Variants in ERP44 observed in about 807,000 individuals in gnomAD.
ERP44 encodes the protein endoplasmic reticulum protein 44, also known as endoplasmic reticulum resident protein 44.
Under a neutral mutation model 53.4 loss-of-function variants are expected in ERP44, and 25 were observed. That is an observed-to-expected ratio of 0.47 (90% CI 0.34 to 0.65). The LOEUF (loss-of-function observed/expected upper bound fraction) is 0.65, where lower values mean the gene tolerates loss of function less well. ERP44 is among the 30% of genes least tolerant of loss of function. The probability of loss-of-function intolerance (pLI) is 0.01; values close to 1 mark genes in which losing one functional copy is unlikely to be tolerated. For synonymous variants in ERP44, 145 were observed against 161.2 expected (o/e 0.90, Z 0.76); for missense variants, 338 against 493.2 (o/e 0.69, Z 2.98).
chr9:100,033,911 A>G (rs531622618), intron 4 of ERP44, among the ~76,000 whole-genome samples: 65 of 152,334 alleles, frequency 4.3e-4, no homozygotes, highest in African/African-American at 1.4e-3. Flanking sequence ...CCCCTATTCA[A>G]GCTCAAGTTA....
chr9:100,067,345 C>G (rs562136607), intron 1 of ERP44, among the ~76,000 whole-genome samples: 1 of 150,782 alleles, frequency 6.6e-6, no homozygotes, highest in Non-Finnish European at 1.5e-5. Context: ...CGCGCGCCGC[C>G]GCGCCTGACT....
At chr9:100,016,511 A>G (rs1392994750) in intron 7 of ERP44, 73 bp from the exon 8 acceptor site, 2 of 1,452,112 alleles carry the variant, frequency 1.4e-6, no homozygotes, top group South Asian at 1.5e-5. Context: ...TTTTTTCTTT[A>G]TATTTTTTAA....
chr9:100,039,757 CA>C (rs1315216331), intron 4 of ERP44, among the ~76,000 whole-genome samples: 7 of 151,586 alleles, frequency 4.6e-5, no homozygotes, highest in African/African-American at 7.3e-5. Context: ...GTAAGTTTTA[CA>C]AAATTGACAA....
At chr9:99,985,790 T>C (rs998537283) in intron 10 of ERP44, among the ~76,000 whole-genome samples, 1 of 152,248 alleles carries the variant, frequency 6.6e-6, no homozygotes, top group Admixed American at 6.5e-5. Flanking sequence ...CTTAATATTG[T>C]GAAAAGCAAA....
intron 1 of ERP44, among the ~76,000 whole-genome samples, chr9:100,079,946 A>AC (rs561085083): frequency 6.6e-6 from 1 of 150,804 alleles, no homozygotes; most frequent in South Asian, 2.1e-4. Context: ...AAAAAAACAA[A>AC]AAAAAAAAAA....
intron 4 of ERP44, among the ~76,000 whole-genome samples, chr9:100,048,119 G>A (rs375793255): frequency 5.9e-5 from 9 of 151,964 alleles, no homozygotes; most frequent in African/African-American, 1.2e-4. Flanking sequence ...CACACACACC[G>A]TAGTCCCAGC....
intron 10 of ERP44, among the ~76,000 whole-genome samples, chr9:99,990,771 T>A (rs940582773): frequency 2.0e-5 from 3 of 151,906 alleles, no homozygotes; most frequent in Non-Finnish European, 4.4e-5. Flanking sequence ...AGGAGACCCA[T>A]CTCACGTGCA....
intron 1 of ERP44, among the ~76,000 whole-genome samples, chr9:100,070,023 G>A (rs1179124825): frequency 6.6e-6 from 1 of 152,154 alleles, no homozygotes; most frequent in Non-Finnish European, 1.5e-5. Flanking sequence ...ACTTCTCAAT[G>A]TGCGGAAAAA....
At chr9:100,077,398 C>T (rs1826369932) in intron 1 of ERP44, among the ~76,000 whole-genome samples, 1 of 152,196 alleles carries the variant, frequency 6.6e-6, no homozygotes, top group South Asian at 2.1e-4. Flanking sequence ...ATTACAACGC[C>T]AACTAGGTGA....
At chr9:100,043,658 G>T (rs1472882259) in intron 4 of ERP44, among the ~76,000 whole-genome samples, 1 of 152,014 alleles carries the variant, frequency 6.6e-6, no homozygotes, top group Non-Finnish European at 1.5e-5. Context: ...AAGTGGCTGA[G>T]GCACAAGAAT....
intron 10 of ERP44, among the ~76,000 whole-genome samples, chr9:99,994,859 T>C (rs1354271493): frequency 1.4e-4 from 22 of 152,230 alleles, no homozygotes. Context: ...CCTTTCCATA[T>C]AAATTTTAGA....
At chr9:100,094,825 G>T (rs1040820296) in intron 1 of ERP44, among the ~76,000 whole-genome samples, 1 of 151,868 alleles carries the variant, frequency 6.6e-6, no homozygotes, top group Non-Finnish European at 1.5e-5. Context: ...TTAGCCAGGT[G>T]TGGTAGCACA....
intron 4 of ERP44, among the ~76,000 whole-genome samples, chr9:100,030,718 G>A (rs1276752611): frequency 6.6e-6 from 1 of 152,162 alleles, no homozygotes; most frequent in Non-Finnish European, 1.5e-5. Context: ...TGGACATGGA[G>A]AGCCTTTTTT....
chr9:100,057,564 G>A (rs12346431), intron 3 of ERP44, among the ~76,000 whole-genome samples: 5 of 152,178 alleles, frequency 3.3e-5, no homozygotes, highest in Admixed American at 6.5e-5. Context: ...CCTTTGAGTC[G>A]GGGGTGGAGA....
At chr9:99,996,533 C>CT (rs34484802) in intron 10 of ERP44, among the ~76,000 whole-genome samples, 101,579 of 151,640 alleles carry the variant, frequency 0.67, 35,109 homozygotes, top group East Asian at 0.91. Context: ...CACCATTATT[C>CT]TTTTTTTTCC....
In ERP44 at chr9:100,016,446, A is replaced by G; in HGVS notation, c.646-8T>C. Reference sequence around the variant, plus strand: ...CATATCCGGAGCAGAATGCTATTACAAAACAGAAAAAAAAAATTAAATCTA... The same window carrying G: ...CATATCCGGAGCAGAATGCTATTACGAAACAGAAAAAAAAAATTAAATCTA... On this transcript the variant is annotated splice_region_variant and splice_polypyrimidine_tract_variant and intron_variant, in intron 7 of 11. Coordinates refer to ENST00000262455, the MANE Select transcript of ERP44 (RefSeq NM_015051.3). The G allele has an allele frequency of 1.3e-6, 2 of 1,581,490 alleles. No homozygotes were observed. Among genetic ancestry groups the G allele is most frequent in the Non-Finnish European group, 8.5e-7 (1 of 1,171,456 alleles).
chr9:100,098,954 AGGCAGC>A lies in ERP44; in HGVS notation c.-120_-115del. The A allele has an allele frequency of 1.2e-6, 1 of 801,360 alleles. No homozygotes were observed. The highest frequency in any genetic ancestry group is 2.1e-6 in the Non-Finnish European group (1 of 483,092). 49.6% of individuals were successfully genotyped at this position (801,360 alleles called of 1,614,324 possible). On this transcript the variant is annotated 5_prime_UTR_variant, in exon 1 of 12. Coordinates refer to ENST00000262455, the MANE Select transcript of ERP44 (RefSeq NM_015051.3). The stretch of plus-strand genomic sequence containing the variant: ...AGCCGACGGCAGCGGAGGATTCTCC[AGGCAGC>A]GGCACCTCGTCCTCTCGACCCGGGC...
intron 10 of ERP44, 83 bp from the exon 11 acceptor site, chr9:99,985,152 T>C: frequency 2.3e-6 from 2 of 886,298 alleles, no homozygotes; most frequent in African/African-American, 1.7e-5. Context: ...AAAAAAACTT[T>C]TGCTAACCTA....
rs1331166490 is a variant in ERP44 at position 100,060,175 on chromosome 9, G to T, written c.58-3C>A. The T allele has an allele frequency of 1.0e-5, 15 of 1,493,854 alleles. No individual in the cohort carries two copies. Among genetic ancestry groups the T allele is most frequent in the Non-Finnish European group, 1.2e-5 (14 of 1,123,822 alleles). 92.5% of individuals were successfully genotyped at this position (1,493,854 alleles called of 1,614,324 possible). On this transcript the variant is annotated splice_region_variant and splice_polypyrimidine_tract_variant and intron_variant, in intron 1 of 11. Transcript: ENST00000262455. ...ACAGGAGTAAAAACCCAAGTTACCT[G>T]AAAATTTAAAAAATGAGAAATTAAT...
Sources: gnomAD v4.1 joint callset for allele counts (sites outside exome capture counted in the v4.1 genomes callset) on GRCh38, gnomAD v4.1.1 for gene constraint, MANE v1.5 for transcripts, NCBI Gene and HGNC (gene_info 2026-07-23, HGNC 2026-07-21) for gene names.